GLCCI1: variants seen among roughly 807,000 people sequenced by gnomAD.
The protein encoded by GLCCI1 is glucocorticoid induced 1.
In GLCCI1, 24 loss-of-function variants were observed where a neutral mutation model predicts 52.2. That is an observed-to-expected ratio of 0.46 (90% confidence interval 0.33 to 0.65). The LOEUF is 0.65. Among genes scored for constraint, GLCCI1 ranks in the 30% least tolerant of loss-of-function variants. The pLI is 0.02. For synonymous variants in GLCCI1, 310 were observed against 276.5 expected (o/e 1.12, Z -1.20); for missense variants, 704 against 701.5 (o/e 1.00, Z -0.04).
intron 1 of GLCCI1, among the ~76,000 whole-genome samples, chr7:7,983,172 A>G (rs184287160): frequency 9.9e-5 from 15 of 151,800 alleles, no homozygotes; most frequent in Non-Finnish European, 1.5e-5. Flanking sequence ...TTATGGGCAT[A>G]TAGAACACTG....
intron 3 of GLCCI1, among the ~76,000 whole-genome samples, chr7:8,030,180 C>T (rs1162301092): frequency 6.6e-6 from 1 of 152,152 alleles, no homozygotes; most frequent in Non-Finnish European, 1.5e-5. Context: ...CAGCATGGCA[C>T]TGGCATAAAA....
chr7:7,997,926 CAAATAAATAAAT>C (rs55772533), intron 1 of GLCCI1, among the ~76,000 whole-genome samples: 20,084 of 139,126 alleles, frequency 0.14, 1,513 homozygotes, highest in East Asian at 0.21. Context: ...GACTCTGTCT[CAAATAAATAAAT>C]AAATAAATAA....
Position 8,004,011 on chromosome 7 carries a change from G to C in GLCCI1, c.561G>C (p.Arg187=). The C allele has an allele frequency of 1.2e-6, 2 of 1,613,698 alleles. No homozygotes were observed. The highest frequency in any genetic ancestry group is 1.1e-5 in the South Asian group (1 of 91,058). Residue 187 remains arginine (R), a synonymous_variant, in exon 2 of 8, where the codon CGG becomes CGC. Transcript: ENST00000223145. The part of the protein sequence containing the change: ...TGPYLTGQWP[R]DPHVHYPSCM... Reference sequence around the variant, plus strand: ...CTTACCTCACAGGACAGTGGCCACGGGATCCTCATGTTCACTACCCTTCAT... The same window carrying C: ...CTTACCTCACAGGACAGTGGCCACGCGATCCTCATGTTCACTACCCTTCAT...
At chr7:7,981,885 C>T in intron 1 of GLCCI1, 2 of 459,250 alleles carry the variant, frequency 4.4e-6, no homozygotes, top group South Asian at 1.6e-5. Context: ...CAAGTCAAGT[C>T]ACTCACACAC....
intron 3 of GLCCI1, among the ~76,000 whole-genome samples, chr7:8,030,813 T>TG (rs775873731): frequency 1.3e-5 from 2 of 152,104 alleles, no homozygotes; most frequent in African/African-American, 2.4e-5. Flanking sequence ...ATTAGAGAAA[T>TG]GCAGATCAAA....
chr7:8,041,475 T>C (rs1264439996), intron 3 of GLCCI1, among the ~76,000 whole-genome samples: 1 of 152,276 alleles, frequency 6.6e-6, no homozygotes, highest in Non-Finnish European at 1.5e-5. Context: ...GTTTTCATTA[T>C]AGACAAAACA....
chr7:8,078,128 G>A (rs1001066586), intron 6 of GLCCI1, among the ~76,000 whole-genome samples: 5 of 150,530 alleles, frequency 3.3e-5, no homozygotes, highest in Non-Finnish European at 1.5e-5. Flanking sequence ...CAGCTACTCG[G>A]GAGGCTGAGG....
In GLCCI1 at chr7:8,084,898, C is replaced by T. The variant is rs752313886; in HGVS notation, c.1179C>T (p.Asp393=). 3 of 1,613,294 alleles carry T rather than the reference C, an allele frequency of 1.9e-6. No homozygotes were observed. Among genetic ancestry groups the T allele is most frequent in the South Asian group, 1.1e-5 (1 of 90,872 alleles). The change falls in exon 7 of 8, where the codon GAC becomes GAT. Residue 393 remains aspartate, a splice_region_variant and synonymous_variant. Coordinates refer to ENST00000223145, the MANE Select transcript of GLCCI1 (RefSeq NM_138426.4). The part of the protein sequence containing the change: ...TEDLLYDRDK[D]SGSSSPLPKY... ...AATATAACTGCTTTAAATTTACAGA[C>T]AGTGGGAGTAGCTCACCGTTACCCA... is the stretch of plus-strand genomic sequence containing the variant.
intron 3 of GLCCI1, among the ~76,000 whole-genome samples, chr7:8,044,666 C>T (rs544498494): frequency 7.5e-4 from 114 of 152,280 alleles, no homozygotes; most frequent in African/African-American, 2.5e-3. Context: ...CCACTGTGCC[C>T]GGCACATCTG....
chr7:8,081,529 G>A (rs1375860085), intron 6 of GLCCI1, among the ~76,000 whole-genome samples: 3 of 152,124 alleles, frequency 2.0e-5, no homozygotes, highest in African/African-American at 7.2e-5. Context: ...CACCCAGGCT[G>A]AAGTTCAATG....
At chr7:8,039,602 A>G (rs1050317323) in intron 3 of GLCCI1, among the ~76,000 whole-genome samples, 2 of 152,146 alleles carry the variant, frequency 1.3e-5, no homozygotes, top group East Asian at 1.9e-4. Flanking sequence ...ATGGACATAG[A>G]GAGTAGAATA....
At chr7:8,068,029 G>A (rs888082356) in intron 5 of GLCCI1, among the ~76,000 whole-genome samples, 1 of 152,044 alleles carries the variant, frequency 6.6e-6, no homozygotes, top group African/African-American at 2.4e-5. Context: ...ATTTCTCAGA[G>A]GCTTTGTTCA....
intron 3 of GLCCI1, among the ~76,000 whole-genome samples, chr7:8,047,328 G>A (rs886453916): frequency 6.6e-6 from 1 of 152,096 alleles, no homozygotes; most frequent in Non-Finnish European, 1.5e-5. Context: ...ACAATTGTAC[G>A]CGTATACTTT....
At chr7:7,994,121 G>A (rs1274542129) in intron 1 of GLCCI1, among the ~76,000 whole-genome samples, 2 of 152,132 alleles carry the variant, frequency 1.3e-5, no homozygotes, top group African/African-American at 2.4e-5. Flanking sequence ...AGACATGTTG[G>A]TTCATGCTTG....
chr7:7,996,309 A>G (rs566111369), intron 1 of GLCCI1, among the ~76,000 whole-genome samples: 1 of 152,152 alleles, frequency 6.6e-6, no homozygotes, highest in South Asian at 2.1e-4. Flanking sequence ...AGGCTGATGA[A>G]TCTCCTTCTA....
intron 2 of GLCCI1, among the ~76,000 whole-genome samples, chr7:8,011,651 A>G (rs199556875): frequency 1.3e-5 from 2 of 152,126 alleles, no homozygotes; most frequent in East Asian, 1.9e-4. Flanking sequence ...GTTCTTTTGT[A>G]TATATTTCCA....
chr7:7,992,109 C>G (rs1208431466), intron 1 of GLCCI1, among the ~76,000 whole-genome samples: 5 of 40,844 alleles, frequency 1.2e-4, no homozygotes, highest in East Asian at 4.4e-4. Flanking sequence ...CTGTCTGTTT[C>G]TCTCTCTCTC....
chr7:7,996,928 A>T (rs1184072086), intron 1 of GLCCI1, among the ~76,000 whole-genome samples: 1 of 152,224 alleles, frequency 6.6e-6, no homozygotes, highest in Non-Finnish European at 1.5e-5. Context: ...TTCAGATAGC[A>T]TATTCACAAC....
chr7:8,030,924 G>A (rs988267038), intron 3 of GLCCI1, among the ~76,000 whole-genome samples: 4 of 152,044 alleles, frequency 2.6e-5, no homozygotes, highest in African/African-American at 9.7e-5. Flanking sequence ...GGAACCCTCT[G>A]TACACTGTTG....
Sources: gnomAD v4.1 joint callset for allele counts (sites outside exome capture counted in the v4.1 genomes callset) on GRCh38, gnomAD v4.1.1 for gene constraint, MANE v1.5 for transcripts, NCBI Gene and HGNC (gene_info 2026-07-23, HGNC 2026-07-21) for gene names.